GALNT13: variants seen among roughly 807,000 people sequenced by gnomAD.
The protein encoded by GALNT13 is polypeptide N-acetylgalactosaminyltransferase 13, also known as UDP-GalNAc:polypeptide N-acetylgalactosaminyltransferase 13.
Under a neutral mutation model 64.2 loss-of-function variants are expected in GALNT13, and 28 were observed. The ratio of observed to expected loss-of-function variants is 0.44; its 90% CI spans 0.32 to 0.60. The LOEUF (loss-of-function observed/expected upper bound fraction) is 0.60. Ranked by LOEUF, GALNT13 falls within the 20% of genes least tolerant of loss-of-function variation. The pLI is 0.05. For missense variants in GALNT13, 577 were observed against 669.8 expected (o/e 0.86, Z 1.53); for synonymous variants, 214 against 224.6 (o/e 0.95, Z 0.42).
chr2:153,731,446 C>G, the GALNT13 span, among the ~76,000 whole-genome samples: 1 of 151,840 alleles, frequency 6.6e-6, no homozygotes, highest in Non-Finnish European at 1.5e-5. Context: ...TTTACCACTG[C>G]ACGATATGTC....
chr2:154,356,724 T>C (rs1387609912), intron 9 of GALNT13, among the ~76,000 whole-genome samples: 2 of 152,026 alleles, frequency 1.3e-5, no homozygotes, highest in Non-Finnish European at 2.9e-5. Context: ...TTCTAATCCA[T>C]ATTTATTTGT....
At chr2:153,694,134 G>A in the GALNT13 span, among the ~76,000 whole-genome samples, 8 of 151,958 alleles carry the variant, frequency 5.3e-5, no homozygotes, top group Admixed American at 1.3e-4. Context: ...AAAAGCAATC[G>A]TGAAATTACT....
the GALNT13 span, among the ~76,000 whole-genome samples, chr2:153,541,435 C>T: frequency 6.6e-6 from 1 of 152,072 alleles, no homozygotes; most frequent in African/African-American, 2.4e-5. Flanking sequence ...TTTCTCTTGC[C>T]CTCCTGTCTC....
chr2:153,672,718 T>C, the GALNT13 span, among the ~76,000 whole-genome samples: 1 of 148,968 alleles, frequency 6.7e-6, no homozygotes, highest in Non-Finnish European at 1.5e-5. Context: ...AGAACTGAAG[T>C]GGTGGATAGA....
At chr2:153,823,411 G>T in the GALNT13 span, among the ~76,000 whole-genome samples, 1 of 152,106 alleles carries the variant, frequency 6.6e-6, no homozygotes, top group African/African-American at 2.4e-5. Context: ...GCATGGTACT[G>T]GTACAAAACA....
At chr2:153,307,024 A>C in the GALNT13 span, among the ~76,000 whole-genome samples, 1 of 152,220 alleles carries the variant, frequency 6.6e-6, no homozygotes, top group African/African-American at 2.4e-5. Context: ...GCATGAGCCA[A>C]CGCACCCAGC....
At chr2:153,137,737 AAG>A in the GALNT13 span, among the ~76,000 whole-genome samples, 22 of 152,012 alleles carry the variant, frequency 1.4e-4, no homozygotes, top group East Asian at 5.8e-4. Context: ...AAAAAAAAAA[AAG>A]AGTTTCTATT....
the GALNT13 span, among the ~76,000 whole-genome samples, chr2:153,658,402 C>T: frequency 6.6e-6 from 1 of 152,082 alleles, no homozygotes; most frequent in African/African-American, 2.4e-5. Context: ...ATATCTTTGA[C>T]TCCCTTATGT....
chr2:153,097,870 G>A, the GALNT13 span, among the ~76,000 whole-genome samples: 2 of 151,990 alleles, frequency 1.3e-5, no homozygotes, highest in Non-Finnish European at 1.5e-5. Context: ...GTTTGAGACC[G>A]GCCTGGCTAA....
At chr2:153,843,127 T>C in the GALNT13 span, among the ~76,000 whole-genome samples, 1 of 152,182 alleles carries the variant, frequency 6.6e-6, no homozygotes, top group African/African-American at 2.4e-5. Context: ...TATTTTTGCA[T>C]TGCTATAAAG....
chr2:153,986,727 A>G (rs1694824917), intron 3 of GALNT13, among the ~76,000 whole-genome samples: 1 of 151,880 alleles, frequency 6.6e-6, no homozygotes, highest in Non-Finnish European at 1.5e-5. Flanking sequence ...AGGGCTCAGA[A>G]TGCCTACGGA....
At chr2:153,311,860 G>T in the GALNT13 span, among the ~76,000 whole-genome samples, 2 of 152,320 alleles carry the variant, frequency 1.3e-5, no homozygotes, top group African/African-American at 4.8e-5. Flanking sequence ...GGGACCATGT[G>T]ACTACCAGGA....
At chr2:154,015,351 G>A (rs1019951676) in intron 3 of GALNT13, among the ~76,000 whole-genome samples, 2 of 152,200 alleles carry the variant, frequency 1.3e-5, no homozygotes, top group Non-Finnish European at 2.9e-5. Context: ...CCTGGTCTTT[G>A]ATAAGTCCTA....
the GALNT13 span, among the ~76,000 whole-genome samples, chr2:153,738,588 A>G: frequency 6.6e-6 from 1 of 151,848 alleles, no homozygotes; most frequent in African/African-American, 2.4e-5. Context: ...ACATTGGTTT[A>G]TGCTTTTCAA....
chr2:153,629,739 A>G, the GALNT13 span, among the ~76,000 whole-genome samples: 2 of 151,038 alleles, frequency 1.3e-5, no homozygotes, highest in South Asian at 2.1e-4. Context: ...AATTTTCGCA[A>G]CCTACTCATC....
chr2:154,294,894 A>G (rs1442980097), intron 8 of GALNT13, among the ~76,000 whole-genome samples: 1 of 152,186 alleles, frequency 6.6e-6, no homozygotes, highest in Admixed American at 6.5e-5. Context: ...AAGTCAGAGA[A>G]TTTCTTTATG....
At chr2:153,551,190 G>C in the GALNT13 span, among the ~76,000 whole-genome samples, 1 of 152,008 alleles carries the variant, frequency 6.6e-6, no homozygotes, top group African/African-American at 2.4e-5. Context: ...TATCGCCTAG[G>C]GGGAGGTGGC....
In GALNT13 at chr2:154,361,036, G is replaced by A. The variant is rs546566564; in HGVS notation, c.1157-34955G>A. Among the ~76,000 whole-genome samples the A allele has an allele frequency of 7.2e-5, 11 of 152,172 alleles. No homozygotes were observed. The South Asian group carries it at 1.9e-3, about 26-fold the overall frequency. Reference sequence around the variant, plus strand: ...AGATGGGTTATGTAAAACAATTGGAGCATGGAGTGAGTGGTGGGGAAGAAA... The same window carrying A: ...AGATGGGTTATGTAAAACAATTGGAACATGGAGTGAGTGGTGGGGAAGAAA... On this transcript the variant is annotated intron_variant, in intron 9 of 12. Transcript: ENST00000392825.
chr2:153,795,518 T>A, the GALNT13 span, among the ~76,000 whole-genome samples: 1 of 151,602 alleles, frequency 6.6e-6, no homozygotes, highest in East Asian at 1.9e-4. Flanking sequence ...AAATCCCAGC[T>A]AGGTACTTTT....
Sources: allele counts gnomAD v4.1 joint callset (sites outside exome capture counted in the v4.1 genomes callset), GRCh38; gene constraint gnomAD v4.1.1; transcripts MANE v1.5; gene names NCBI Gene and HGNC (gene_info 2026-07-23, HGNC 2026-07-21).